Variants in ARFGEF1 observed in about 807,000 individuals in gnomAD.
ARFGEF1 encodes ARF guanine nucleotide exchange factor 1.
In ARFGEF1, 42 loss-of-function variants were observed where a neutral mutation model predicts 231.0. The ratio of observed to expected loss-of-function variants is 0.18; its 90% CI spans 0.14 to 0.24. The LOEUF is 0.24. Ranked by LOEUF, ARFGEF1 falls within the 10% of genes least tolerant of loss-of-function variation. The probability of loss-of-function intolerance (pLI) is 1.00; values close to 1 mark genes in which losing one functional copy is unlikely to be tolerated. For missense variants in ARFGEF1, 1,345 were observed against 2,192.0 expected, an observed-to-expected ratio of 0.61 and a Z score of 7.72; for synonymous variants, 710 against 732.3, an observed-to-expected ratio of 0.97 and a Z score of 0.49.
chr8:67,197,193 C>A (rs1293633885), downstream of ARFGEF1, among the ~76,000 whole-genome samples: 2 of 152,112 alleles, frequency 1.3e-5, no homozygotes, highest in African/African-American at 4.8e-5. Context: ...TGCCTATAAT[C>A]CCAGCACTTT....
At position 67,226,081 on chromosome 8, in the gene ARFGEF1, C is replaced by T. The variant is rs1460460227; in HGVS notation, c.4019G>A (p.Ser1340Asn). The T allele has an allele frequency of 6.2e-7, 1 of 1,613,390 alleles. No homozygotes were observed. Among genetic ancestry groups the T allele is most frequent in the Non-Finnish European group, 8.5e-7 (1 of 1,179,580 alleles). ...GCGAATAAGTCGAATTGCTTCCATACTTGTGTCTGGGAAAGCTGCATTGCA... is the reference window on the plus strand; with the variant it reads ...GCGAATAAGTCGAATTGCTTCCATATTTGTGTCTGGGAAAGCTGCATTGCA... ...FACNAAFPDT[S>N]MEAIRLIRHC... Residue 1340 changes from serine to asparagine, a missense_variant, in exon 28 of 39, where the codon AGT becomes AAT. By Grantham distance (46) the Ser-to-Asn change is conservative. This residue lies in a region of ARFGEF1 where 142 missense variants were observed against 227.3 expected (regional missense o/e 0.62). Coordinates refer to ENST00000262215, the MANE Select transcript of ARFGEF1 (RefSeq NM_006421.5).
intron 1 of ARFGEF1, among the ~76,000 whole-genome samples, chr8:67,315,042 C>T (rs1162653145): frequency 6.6e-6 from 1 of 151,934 alleles, no homozygotes; most frequent in Non-Finnish European, 1.5e-5. Flanking sequence ...AACACACATA[C>T]CCACACACCT....
At chr8:67,336,000 C>G (rs150871349) in intron 1 of ARFGEF1, among the ~76,000 whole-genome samples, 13 of 152,164 alleles carry the variant, frequency 8.5e-5, no homozygotes, top group Non-Finnish European at 1.6e-4. Flanking sequence ...CCACCTGCCT[C>G]GGCCTCCCGA....
At chr8:67,283,196 T>C (rs189217925) in intron 7 of ARFGEF1, among the ~76,000 whole-genome samples, 165 of 152,306 alleles carry the variant, frequency 1.1e-3, no homozygotes, top group African/African-American at 3.6e-3. Flanking sequence ...TAGCACTGTA[T>C]ACAAATTTTT....
At chr8:67,190,804 G>A (rs1329206940) in intron 5 of ARFGEF1, 2 of 1,396,574 alleles carry the variant, frequency 1.4e-6, no homozygotes, top group East Asian at 4.6e-5. Flanking sequence ...AGAAGAATGA[G>A]AGGTCTGGGT....
At position 67,301,357 on chromosome 8, in the gene ARFGEF1, G is replaced by A. The variant is rs773900413; in HGVS notation, c.179C>T (p.Ala60Val). Residue 60 changes from alanine (A) to valine (V), a missense_variant, in exon 3 of 39, where the codon GCT (alanine) becomes GTT (valine). Transcript: ENST00000262215. ...CACTGGTGGAAGGGTGCTTGATCCA[G>A]CTTTTGCTTCTCCATGAGGAGGACT... ...KQSPPHGEAK[A>V]GSSTLPPVKS... 1.7e-5 allele frequency: 27 copies of A among 1,613,382 alleles called. No homozygotes were observed. The East Asian group carries it at 4.9e-4, about 29-fold the overall frequency.
chr8:67,298,359 T>C (rs2128913593), intron 4 of ARFGEF1, among the ~76,000 whole-genome samples: 1 of 152,318 alleles, frequency 6.6e-6, no homozygotes. Context: ...CTAATTTTTC[T>C]CCAAAGGAAT....
chr8:67,320,591 A>G (rs931673105), intron 1 of ARFGEF1, among the ~76,000 whole-genome samples: 1 of 152,224 alleles, frequency 6.6e-6, no homozygotes, highest in Non-Finnish European at 1.5e-5. Context: ...TACTGCCAAA[A>G]CTGGAAACAA....
At chr8:67,314,621 G>A (rs1807221170) in intron 1 of ARFGEF1, among the ~76,000 whole-genome samples, 1 of 150,058 alleles carries the variant, frequency 6.7e-6, no homozygotes, top group Admixed American at 6.7e-5. Context: ...AGTATTTGGG[G>A]GCCAGGGTGG....
At chr8:67,240,587 A>G (rs989278198) in intron 19 of ARFGEF1, among the ~76,000 whole-genome samples, 5 of 152,160 alleles carry the variant, frequency 3.3e-5, no homozygotes, top group African/African-American at 1.2e-4. Flanking sequence ...TATTAGTTTT[A>G]CCCGACTTCA....
intron 22 of ARFGEF1, among the ~76,000 whole-genome samples, chr8:67,237,766 C>A (rs1308766862): frequency 6.6e-6 from 1 of 152,036 alleles, no homozygotes; most frequent in Non-Finnish European, 1.5e-5. Flanking sequence ...GAATTCAAAC[C>A]CAGAAATACT....
At chr8:67,195,666 C>CTACT, downstream of ARFGEF1, 1 of 1,337,106 alleles carries the variant, frequency 7.5e-7, no homozygotes, top group South Asian at 1.3e-5. Context: ...TTAATATGTC[C>CTACT]TACTTTTGGC....
intron 29 of ARFGEF1, among the ~76,000 whole-genome samples, chr8:67,222,227 A>ATATGTATG (rs35826179): frequency 0.13 from 15,423 of 114,908 alleles, 1,220 homozygotes; most frequent in East Asian, 0.19. Flanking sequence ...ATATATATGT[A>ATATGTATG]TATGTATGTA....
chr8:67,240,380 A>G lies in ARFGEF1; in HGVS notation c.2851-90T>C, dbSNP rs1156389738. On this transcript the variant is annotated intron_variant, in intron 19 of 38. Coordinates refer to ENST00000262215, the MANE Select transcript of ARFGEF1 (RefSeq NM_006421.5). ...TTTTAGACAATACAAGTTCTGAAAA[A>G]AAGAAATGAAATTCTTGGCAGTTAT... The G allele has an allele frequency of 2.4e-6, 3 of 1,227,382 alleles. No individual in the cohort carries two copies. In the African/African-American group the frequency reaches 4.6e-5, roughly 19 times the overall value. 76.0% of individuals were successfully genotyped at this position (1,227,382 alleles called of 1,614,324 possible). A position where few individuals can be genotyped will look rare whatever the true frequency, so the allele number is the denominator to read the frequency against.
intron 5 of ARFGEF1, among the ~76,000 whole-genome samples, chr8:67,185,241 A>G (rs1834257234): frequency 6.6e-6 from 1 of 152,172 alleles, no homozygotes; most frequent in Non-Finnish European, 1.5e-5. Flanking sequence ...TTTCCCACCT[A>G]AGTGCATGCC....
intron 5 of ARFGEF1, among the ~76,000 whole-genome samples, chr8:67,184,782 A>AT (rs1834020254): frequency 1.4e-5 from 2 of 143,014 alleles, no homozygotes; most frequent in South Asian, 4.2e-4. Context: ...GTTGGGGGGC[A>AT]TATCACTACA....
downstream of ARFGEF1, chr8:67,193,653 A>C (rs757145722): frequency 1.7e-5 from 26 of 1,528,818 alleles, no homozygotes; most frequent in Non-Finnish European, 1.9e-5. Context: ...TGAACTTTTA[A>C]ACTTTCTTAC....
At position 67,204,833 on chromosome 8, in the gene ARFGEF1, C is replaced by A. The variant is rs1490012746; in HGVS notation, c.4820-14G>T. 2.5e-6 allele frequency: 4 copies of A among 1,612,430 alleles called. No homozygotes were observed. The highest frequency in any genetic ancestry group is 3.3e-5 in the Admixed American group (2 of 59,836). ...GTTCTGGAAATTCTGTGAGGAAACC[C>A]CCCCCAATGCACATGCAAACAAAAA... On this transcript the variant is annotated splice_polypyrimidine_tract_variant and intron_variant, in intron 34 of 38. Transcript: ENST00000262215.
At chr8:67,317,604 A>G (rs1807379003) in intron 1 of ARFGEF1, among the ~76,000 whole-genome samples, 1 of 149,800 alleles carries the variant, frequency 6.7e-6, no homozygotes, top group Admixed American at 6.6e-5. Context: ...CACAGAACTA[A>G]TATTTAAAAA....
Sources: gnomAD v4.1 joint callset for allele counts (sites outside exome capture counted in the v4.1 genomes callset) on GRCh38, gnomAD v4.1.1 for gene constraint, gnomAD v4.1.1 regional missense constraint, MANE v1.5 for transcripts, NCBI Gene and HGNC (gene_info 2026-07-23, HGNC 2026-07-21) for gene names.